Variants in LRRC4C observed in about 807,000 individuals in gnomAD.
The protein encoded by LRRC4C is leucine-rich repeat-containing protein 4C.
A neutral mutation model predicts 33.6 loss-of-function variants in LRRC4C; 5 were observed. The ratio of observed to expected loss-of-function variants is 0.15; its 90% CI spans 0.08 to 0.31. The LOEUF (loss-of-function observed/expected upper bound fraction) is 0.31, where lower values mean the gene tolerates loss of function less well. Among genes scored for constraint, LRRC4C ranks in the 10% least tolerant of loss-of-function variants. The pLI is 1.00. For synonymous variants in LRRC4C, 329 were observed against 302.0 expected (o/e 1.09, Z -0.93); for missense variants, 560 against 796.7 (o/e 0.70, Z 3.58).
intron 3 of LRRC4C, among the ~76,000 whole-genome samples, chr11:40,583,167 G>A (rs1958553742): frequency 1.3e-5 from 2 of 151,514 alleles, no homozygotes; most frequent in South Asian, 2.1e-4. Flanking sequence ...TCCCGTTCTC[G>A]GGTGACCACA....
At chr11:41,272,386 C>G (rs2136850179) in intron 1 of LRRC4C, among the ~76,000 whole-genome samples, 1 of 152,144 alleles carries the variant, frequency 6.6e-6, no homozygotes, top group East Asian at 1.9e-4. Flanking sequence ...GGCTGCTACA[C>G]AAAATCATCC....
chr11:41,392,530 C>T (rs955791130), intron 1 of LRRC4C, among the ~76,000 whole-genome samples: 8 of 149,986 alleles, frequency 5.3e-5, no homozygotes, highest in African/African-American at 1.7e-4. Context: ...TGTTACCACC[C>T]CCATACCCAC....
intron 5 of LRRC4C, among the ~76,000 whole-genome samples, chr11:40,184,440 T>C (rs1363967830): frequency 6.6e-6 from 1 of 152,134 alleles, no homozygotes; most frequent in Non-Finnish European, 1.5e-5. Context: ...TGGTCAATAT[T>C]TGGATTGATA....
At chr11:41,435,632 T>G (rs1955399801) in intron 1 of LRRC4C, among the ~76,000 whole-genome samples, 1 of 152,176 alleles carries the variant, frequency 6.6e-6, no homozygotes, top group African/African-American at 2.4e-5. Context: ...GAAAATAAAT[T>G]ATCTTCACAT....
intron 3 of LRRC4C, among the ~76,000 whole-genome samples, chr11:40,380,955 A>G (rs1948839654): frequency 6.6e-6 from 1 of 152,224 alleles, no homozygotes; most frequent in African/African-American, 2.4e-5. Flanking sequence ...TATTCCGTGC[A>G]TGCGAGTCTC....
At chr11:40,833,471 CA>C (rs1200205376) in intron 2 of LRRC4C, among the ~76,000 whole-genome samples, 10 of 151,856 alleles carry the variant, frequency 6.6e-5, no homozygotes, top group Non-Finnish European at 1.3e-4. Context: ...TAAAAAGTAT[CA>C]ATGAGATTTT....
intron 3 of LRRC4C, among the ~76,000 whole-genome samples, chr11:40,568,273 C>A (rs1249311075): frequency 6.6e-6 from 1 of 152,180 alleles, no homozygotes; most frequent in Non-Finnish European, 1.5e-5. Flanking sequence ...ATGTCTCCAA[C>A]CATCAGCCTG....
intron 1 of LRRC4C, among the ~76,000 whole-genome samples, chr11:41,394,303 T>C (rs2138035154): frequency 6.6e-6 from 1 of 152,094 alleles, no homozygotes; most frequent in South Asian, 2.1e-4. Context: ...TTCCAGCTTC[T>C]CTCTATACCT....
intron 2 of LRRC4C, among the ~76,000 whole-genome samples, chr11:40,670,007 A>G (rs1944009189): frequency 2.6e-5 from 4 of 152,210 alleles, no homozygotes; most frequent in Admixed American, 2.6e-4. Context: ...TACCTTGATT[A>G]TAGCTTTATT....
intron 1 of LRRC4C, among the ~76,000 whole-genome samples, chr11:41,113,110 T>TTA (rs1941935608): frequency 1.3e-5 from 2 of 152,090 alleles, no homozygotes; most frequent in African/African-American, 2.4e-5. Flanking sequence ...AATAAATGAA[T>TTA]GTACATATTT....
chr11:41,178,763 G>A (rs962096279), intron 1 of LRRC4C, among the ~76,000 whole-genome samples: 9 of 152,146 alleles, frequency 5.9e-5, no homozygotes, highest in Non-Finnish European at 1.2e-4. Flanking sequence ...AAGTGCAGTA[G>A]CGCAATCTCA....
intron 1 of LRRC4C, among the ~76,000 whole-genome samples, chr11:41,113,774 A>G (rs1333045383): frequency 6.6e-6 from 1 of 151,762 alleles, no homozygotes; most frequent in Non-Finnish European, 1.5e-5. Context: ...TTTATACCTT[A>G]TTGTTTCATG....
chr11:40,425,782 C>T (rs1405822877), intron 3 of LRRC4C, among the ~76,000 whole-genome samples: 1 of 152,136 alleles, frequency 6.6e-6, no homozygotes. Context: ...TTTCTCATGT[C>T]AGAAAAAATT....
chr11:40,498,412 A>T (rs1345674244), intron 3 of LRRC4C, among the ~76,000 whole-genome samples: 1 of 152,196 alleles, frequency 6.6e-6, no homozygotes, highest in African/African-American at 2.4e-5. Context: ...GTTTAGTTGA[A>T]CTTCGTGTAA....
chr11:40,267,380 C>G (rs970354049), intron 4 of LRRC4C, among the ~76,000 whole-genome samples: 2 of 152,082 alleles, frequency 1.3e-5, no homozygotes, highest in Non-Finnish European at 2.9e-5. Flanking sequence ...GAGACAGAGT[C>G]TTGCTCTGTC....
intron 4 of LRRC4C, among the ~76,000 whole-genome samples, chr11:40,280,075 A>G (rs1332977507): frequency 6.6e-6 from 1 of 152,194 alleles, no homozygotes; most frequent in Non-Finnish European, 1.5e-5. Context: ...GAAAAAAAGG[A>G]AACATCTGGG....
intron 5 of LRRC4C, among the ~76,000 whole-genome samples, chr11:40,228,192 T>C (rs141951439): frequency 6.6e-6 from 1 of 152,186 alleles, no homozygotes; most frequent in Non-Finnish European, 1.5e-5. Context: ...TAGCAGAGAG[T>C]TACAGTTACG....
chr11:40,559,989 T>G (rs1273316062), intron 3 of LRRC4C, among the ~76,000 whole-genome samples: 1 of 152,178 alleles, frequency 6.6e-6, no homozygotes, highest in South Asian at 2.1e-4. Context: ...AATTATCTCC[T>G]GAGTGTCTTG....
intron 6 of LRRC4C, among the ~76,000 whole-genome samples, chr11:40,134,047 A>G (rs1856817079): frequency 6.6e-6 from 1 of 152,086 alleles, no homozygotes; most frequent in Non-Finnish European, 1.5e-5. Context: ...AGAATGAGGT[A>G]TTATAGCAGC....
Sources: allele counts gnomAD v4.1 joint callset (sites outside exome capture counted in the v4.1 genomes callset), GRCh38; gene constraint gnomAD v4.1.1; transcripts MANE v1.5; gene names NCBI Gene and HGNC (gene_info 2026-07-23, HGNC 2026-07-21).